Variants in DIP2C observed in about 807,000 individuals in gnomAD.
The protein encoded by DIP2C is disco-interacting protein 2 homolog C.
A neutral mutation model predicts 192.4 loss-of-function variants in DIP2C; 33 were observed. The observed-to-expected ratio is 0.17, with a 90% CI of 0.13 to 0.23. The LOEUF (loss-of-function observed/expected upper bound fraction) is 0.23. Among genes scored for constraint, DIP2C ranks in the 10% least tolerant of loss-of-function variants. The pLI is 1.00. For missense variants in DIP2C, 1,537 were observed against 2,110.1 expected (o/e 0.73, Z 5.32); for synonymous variants, 979 against 864.1 (o/e 1.13, Z -2.33).
intron 1 of DIP2C, among the ~76,000 whole-genome samples, chr10:578,802 C>T (rs1258030374): frequency 1.4e-5 from 2 of 143,344 alleles, no homozygotes; most frequent in African/African-American, 6.0e-5. Flanking sequence ...TGCACTATAA[C>T]ATGTGTGCAT....
intron 2 of DIP2C, among the ~76,000 whole-genome samples, chr10:485,602 C>G (rs1843958396): frequency 6.6e-6 from 1 of 152,204 alleles, no homozygotes; most frequent in African/African-American, 2.4e-5. Flanking sequence ...ACTTTCCTTA[C>G]TGAGTCAACA....
intron 1 of DIP2C, among the ~76,000 whole-genome samples, chr10:591,774 C>CA (rs1186947795): frequency 1.3e-5 from 2 of 152,134 alleles, no homozygotes; most frequent in Non-Finnish European, 1.5e-5. Flanking sequence ...ACAAAGGTAC[C>CA]ACACCCCACA....
At chr10:548,519 G>GAGGGAGGGAGGGAGGGAGGC (rs1485015479) in intron 1 of DIP2C, among the ~76,000 whole-genome samples, 1 of 110,582 alleles carries the variant, frequency 9.0e-6, no homozygotes, top group African/African-American at 5.1e-5. Flanking sequence ...GGGAGGGAGG[G>GAGGGAGGGAGGGAGGGAGGC]AGGCAGGCAG....
chr10:283,390 T>C lies in DIP2C; in HGVS notation c.4176A>G (p.Glu1392=), dbSNP rs747061908. ...ASGYFTIYGD[E]SLQSDHFNSR... ...AGTTGAAGTGATCTGACTGGAGGGA[T>C]TCGTCTCCGTAAATAGTGAAATAAC... is the stretch of plus-strand genomic sequence containing the variant. The change falls in exon 35 of 37, where the codon GAA becomes GAG. Residue 1392 remains glutamate, a synonymous_variant. Coordinates refer to ENST00000280886, the MANE Select transcript of DIP2C (RefSeq NM_014974.3). 3 of 1,614,082 alleles carry C rather than the reference T, an allele frequency of 1.9e-6. No individual in the cohort carries two copies. The highest frequency in any genetic ancestry group is 2.2e-5 in the South Asian group (2 of 91,090).
rs1970511106 is a variant in DIP2C, at chr10:470,128, G to C, written c.268+2311C>G. On this transcript the variant is annotated intron_variant, in intron 3 of 36. Transcript: ENST00000280886. ...ATGATTGGCGAATATGTAGACAGAT[G>C]CAGAGAGGTTGATAAATGGATGGAT... is the stretch of plus-strand genomic sequence containing the variant. Among the ~76,000 whole-genome samples, 3 of 152,310 alleles carry C rather than the reference G, an allele frequency of 2.0e-5. No individual in the cohort carries two copies. The South Asian group carries it at 6.2e-4, about 32-fold the overall frequency.
chr10:624,309 G>A (rs1854061256), intron 1 of DIP2C, among the ~76,000 whole-genome samples: 1 of 152,214 alleles, frequency 6.6e-6, no homozygotes, highest in Non-Finnish European at 1.5e-5. Context: ...CTCCTCGGTG[G>A]CTGCAGATGG....
chr10:637,150 G>A (rs1469328441), intron 1 of DIP2C, among the ~76,000 whole-genome samples: 1 of 152,264 alleles, frequency 6.6e-6, no homozygotes, highest in East Asian at 1.9e-4. Flanking sequence ...GGTATCTGAA[G>A]CCAGAAAATC....
At chr10:347,689 C>T (rs71492993) in intron 26 of DIP2C, among the ~76,000 whole-genome samples, 31 of 90,544 alleles carry the variant, frequency 3.4e-4, no homozygotes, top group African/African-American at 1.1e-3. Context: ...TCGCGCATAG[C>T]TCTCCCGGAA....
intron 1 of DIP2C, among the ~76,000 whole-genome samples, chr10:619,057 T>C (rs1853662207): frequency 6.6e-6 from 1 of 152,234 alleles, no homozygotes; most frequent in Admixed American, 6.5e-5. Flanking sequence ...TTCTAGTCGC[T>C]GTCTCCTGAG....
chr10:548,455 G>A (rs1485264811), intron 1 of DIP2C, among the ~76,000 whole-genome samples: 1 of 150,062 alleles, frequency 6.7e-6, no homozygotes, highest in African/African-American at 2.5e-5. Flanking sequence ...AGGGAGGGAG[G>A]GAGGGAGGGA....
chr10:423,446 C>T lies in DIP2C; in HGVS notation c.395-413G>A, dbSNP rs556074398. ...TGACGTATGTTTAGCCCTTGTTAGT[C>T]CTGAGATGTTCTTGTGGGCTCTGAT... On this transcript the variant is annotated intron_variant, in intron 4 of 36. Coordinates refer to ENST00000280886, the MANE Select transcript of DIP2C (RefSeq NM_014974.3). Among the ~76,000 whole-genome samples, 8 of 152,288 alleles carry T rather than the reference C, an allele frequency of 5.3e-5. No homozygotes were observed. In the South Asian group the frequency reaches 1.7e-3, roughly 32 times the overall value.
chr10:302,933 G>C (rs1956119928), intron 32 of DIP2C, among the ~76,000 whole-genome samples: 1 of 152,030 alleles, frequency 6.6e-6, no homozygotes. Context: ...GTACTTGTAA[G>C]CTAAGACATC....
Position 364,553 on chromosome 10 carries a change from C to A in DIP2C, c.2298G>T (p.Pro766=), listed in dbSNP as rs147998964. ...EVFPMTSSGA[P]ISEYPFIRTG... ...TCCTTATGAATGGGTATTCACTGAT[C>A]GGAGCCCCGGAGCTTGTCATGGGAA... Residue 766 remains proline (P), a synonymous_variant, in exon 20 of 37, where the codon CCG becomes CCT. Coordinates refer to ENST00000280886, the MANE Select transcript of DIP2C (RefSeq NM_014974.3). 8.1e-6 allele frequency: 13 copies of A among 1,613,906 alleles called. No individual in the cohort carries two copies. Among genetic ancestry groups the A allele is most frequent in the Non-Finnish European group, 1.1e-5 (13 of 1,179,946 alleles).
At chr10:315,795 C>T (rs766532812) in intron 31 of DIP2C, among the ~76,000 whole-genome samples, 9 of 152,142 alleles carry the variant, frequency 5.9e-5, no homozygotes, top group East Asian at 3.9e-4. Flanking sequence ...TCTGGGGCTC[C>T]GATCACTACA....
chr10:305,111 C>T (rs576048251), intron 32 of DIP2C, among the ~76,000 whole-genome samples: 28 of 152,206 alleles, frequency 1.8e-4, no homozygotes, highest in Admixed American at 4.6e-4. Flanking sequence ...ATTGCACACA[C>T]GTACACTTGT....
intron 1 of DIP2C, among the ~76,000 whole-genome samples, chr10:491,431 C>A (rs1447176213): frequency 2.0e-5 from 3 of 152,214 alleles, no homozygotes; most frequent in African/African-American, 7.2e-5. Context: ...CAGGAGGCCC[C>A]GGAAGGCAAG....
At chr10:504,216 A>C (rs1450446758) in intron 1 of DIP2C, among the ~76,000 whole-genome samples, 1 of 152,204 alleles carries the variant, frequency 6.6e-6, no homozygotes, top group Non-Finnish European at 1.5e-5. Context: ...TCACTGTCAA[A>C]TCACTGTTGT....
chr10:435,972 AATAT>A (rs1967150457), intron 4 of DIP2C, among the ~76,000 whole-genome samples: 1 of 151,012 alleles, frequency 6.6e-6, no homozygotes, highest in Admixed American at 6.6e-5. Flanking sequence ...TATATATATA[AATAT>A]ATAAACAGGT....
intron 32 of DIP2C, among the ~76,000 whole-genome samples, chr10:295,526 A>ATTCCC (rs1955708029): frequency 8.8e-6 from 1 of 113,108 alleles, no homozygotes; most frequent in Non-Finnish European, 1.7e-5. Flanking sequence ...GCGCCACTGC[A>ATTCCC]GTCCCACCTG....
Sources: allele counts gnomAD v4.1 joint callset (sites outside exome capture counted in the v4.1 genomes callset), GRCh38; gene constraint gnomAD v4.1.1; transcripts MANE v1.5; gene names NCBI Gene and HGNC (gene_info 2026-07-23, HGNC 2026-07-21).